Variants in MAMDC2 observed in about 807,000 individuals in gnomAD.
The protein encoded by MAMDC2 is MAM domain containing 2, also known as MAM domain-containing protein 2.
MAMDC2 carries 57 observed loss-of-function variants against 89.8 expected under a neutral mutation model. That is an observed-to-expected ratio of 0.63 (90% confidence interval 0.51 to 0.79). MAMDC2 has a LOEUF of 0.79. Among genes scored for constraint, MAMDC2 ranks in the 30% least tolerant of loss-of-function variants. The pLI is 0.00. For missense variants in MAMDC2, 800 were observed against 820.6 expected (o/e 0.97, Z 0.31); for synonymous variants, 313 against 293.4 (o/e 1.07, Z -0.68).
intron 5 of MAMDC2, among the ~76,000 whole-genome samples, chr9:70,122,608 T>C (rs1200473168): frequency 6.6e-6 from 1 of 152,200 alleles, no homozygotes. Flanking sequence ...CCATAGTGCC[T>C]AGGAGCCATG....
At chr9:70,129,810 T>A (rs2030713821) in intron 6 of MAMDC2, among the ~76,000 whole-genome samples, 1 of 152,116 alleles carries the variant, frequency 6.6e-6, no homozygotes, top group African/African-American at 2.4e-5. Context: ...ACAAAACAGG[T>A]CGCTTAAGAA....
At chr9:70,098,729 A>G (rs1335317730) in intron 2 of MAMDC2, among the ~76,000 whole-genome samples, 2 of 152,216 alleles carry the variant, frequency 1.3e-5, no homozygotes, top group African/African-American at 4.8e-5. Flanking sequence ...ATATTTGGAG[A>G]CAGCCTGGTG....
intron 11 of MAMDC2, among the ~76,000 whole-genome samples, chr9:70,181,294 C>T (rs942596724): frequency 2.6e-5 from 4 of 152,158 alleles, no homozygotes; most frequent in African/African-American, 9.7e-5. Flanking sequence ...GTGATGCCTC[C>T]AGCTTTGTTC....
intron 2 of MAMDC2, among the ~76,000 whole-genome samples, chr9:70,080,914 C>G (rs1395736387): frequency 2.0e-5 from 3 of 152,102 alleles, no homozygotes; most frequent in Non-Finnish European, 2.9e-5. Context: ...CGGTTAGGTG[C>G]CCTGACTCAG....
intron 2 of MAMDC2, among the ~76,000 whole-genome samples, chr9:70,099,680 G>T (rs184982695): frequency 1.6e-4 from 25 of 152,208 alleles, no homozygotes; most frequent in African/African-American, 5.8e-4. Context: ...GTTGGTGTCA[G>T]AAAGGTAGGG....
At chr9:70,044,722 C>T (rs1444629390) in intron 2 of MAMDC2, 25 bp downstream of exon 2, 1 of 1,501,784 alleles carries the variant, frequency 6.7e-7, no homozygotes, top group Non-Finnish European at 9.1e-7. Context: ...TGGAGAGGGG[C>T]GCGAAGTGAA....
chr9:70,090,175 C>T lies in MAMDC2; in HGVS notation c.149-18036C>T, dbSNP rs75832157. ...CATAAAAATATCAGTGGCTTTTAAA[C>T]ATACAAAAAGATGTCATCTGGGCAT... is the stretch of plus-strand genomic sequence containing the variant. On this transcript the variant is annotated intron_variant, in intron 2 of 13. Transcript: ENST00000377182. 2.9e-3 allele frequency among the ~76,000 whole-genome samples: 437 copies of T among 151,706 alleles called. 1 individual carries two copies. The highest frequency in any genetic ancestry group is 0.01 in the African/African-American group (418 of 41,384).
intron 11 of MAMDC2, among the ~76,000 whole-genome samples, chr9:70,205,008 C>T (rs933134542): frequency 6.6e-6 from 1 of 152,244 alleles, no homozygotes; most frequent in African/African-American, 2.4e-5. Context: ...GCAGAAATCA[C>T]CCGTCTTCTG....
chr9:70,168,944 G>T, intron 10 of MAMDC2, 149 bp downstream of exon 10: 1 of 627,158 alleles, frequency 1.6e-6, no homozygotes, highest in Non-Finnish European at 2.7e-6. Flanking sequence ...AGCAGGCTTT[G>T]AAATTTAGAA....
intron 2 of MAMDC2, among the ~76,000 whole-genome samples, chr9:70,072,050 TA>T (rs1485074517): frequency 6.6e-6 from 1 of 152,194 alleles, no homozygotes; most frequent in Non-Finnish European, 1.5e-5. Flanking sequence ...TTATCGAGTT[TA>T]TTAAAGATCA....
At chr9:70,114,417 A>C (rs986712249) in intron 5 of MAMDC2, among the ~76,000 whole-genome samples, 1 of 151,500 alleles carries the variant, frequency 6.6e-6, no homozygotes, top group African/African-American at 2.4e-5. Context: ...TGTGTGTGAA[A>C]TTTCCCAAAT....
At chr9:70,071,067 T>C (rs1827394587) in intron 2 of MAMDC2, among the ~76,000 whole-genome samples, 1 of 152,154 alleles carries the variant, frequency 6.6e-6, no homozygotes, top group Non-Finnish European at 1.5e-5. Context: ...AAGGACCTAG[T>C]GGAATTCCTC....
intron 11 of MAMDC2, among the ~76,000 whole-genome samples, chr9:70,196,574 C>T (rs952458782): frequency 2.0e-5 from 3 of 152,004 alleles, no homozygotes; most frequent in African/African-American, 7.2e-5. Flanking sequence ...TAGGTTTGGA[C>T]TGACAAACAT....
At chr9:70,218,707 A>AT in intron 12 of MAMDC2, 111 bp downstream of exon 12, 2 of 1,293,744 alleles carry the variant, frequency 1.5e-6, no homozygotes. Context: ...AGGGTCATAG[A>AT]CAAAGGCAGG....
intron 11 of MAMDC2, among the ~76,000 whole-genome samples, chr9:70,207,040 T>G (rs2033240365): frequency 6.6e-6 from 1 of 152,230 alleles, no homozygotes; most frequent in South Asian, 2.1e-4. Context: ...TGATGGACAT[T>G]TGGGTTGGTT....
chr9:70,166,262 A>AATAT lies in MAMDC2; in HGVS notation c.1405-2428_1405-2425dup, dbSNP rs371331801. On this transcript the variant is annotated intron_variant, in intron 9 of 13. Coordinates refer to ENST00000377182, the MANE Select transcript of MAMDC2 (RefSeq NM_153267.5). Reference sequence around the variant, plus strand: ...CATCTCAAAAAAAAAACAAAACAGAAATATATATATATATACACACACACA... The same window carrying AATAT: ...CATCTCAAAAAAAAAACAAAACAGAAATATATATATATATATATACACACACACA... 7.8e-4 allele frequency among the ~76,000 whole-genome samples: 105 copies of AATAT among 134,480 alleles called. 1 individual carries two copies. The highest frequency in any genetic ancestry group is 2.5e-3 in the African/African-American group (90 of 36,150). The allele number at this position is 134,480 out of a possible 152,430, so 88.2% of individuals were successfully genotyped here.
At chr9:70,117,786 T>A (rs1249363064) in intron 5 of MAMDC2, among the ~76,000 whole-genome samples, 1 of 152,182 alleles carries the variant, frequency 6.6e-6, no homozygotes, top group East Asian at 1.9e-4. Flanking sequence ...TAAAGAAAGC[T>A]AAACAGATTT....
chr9:70,178,554 C>G (rs7038547), intron 11 of MAMDC2, among the ~76,000 whole-genome samples: 114 of 152,236 alleles, frequency 7.5e-4, no homozygotes, highest in African/African-American at 2.5e-3. Flanking sequence ...AATGCATAAA[C>G]AAACAAAGGT....
At chr9:70,110,920 G>A (rs930051972) in intron 4 of MAMDC2, among the ~76,000 whole-genome samples, 1 of 152,186 alleles carries the variant, frequency 6.6e-6, no homozygotes, top group Non-Finnish European at 1.5e-5. Context: ...GAATGTGACG[G>A]GGAAGAGAAA....
Sources: gnomAD v4.1 joint callset for allele counts (sites outside exome capture counted in the v4.1 genomes callset) on GRCh38, gnomAD v4.1.1 for gene constraint, MANE v1.5 for transcripts, NCBI Gene and HGNC (gene_info 2026-07-23, HGNC 2026-07-21) for gene names.